Variants in ARHGEF10 observed in about 807,000 individuals in gnomAD.
ARHGEF10 encodes the protein Rho guanine nucleotide exchange factor 10, also known as Rho guanine nucleotide exchange factor (GEF) 10.
ARHGEF10 carries 140 observed loss-of-function variants against 147.4 expected under a neutral mutation model. The observed-to-expected ratio is 0.95, with a 90% CI of 0.83 to 1.09. The LOEUF (loss-of-function observed/expected upper bound fraction) is 1.09, where lower values mean the gene tolerates loss of function less well. ARHGEF10 is among the 50% of genes least tolerant of loss of function. ARHGEF10 has a pLI of 0.00. For synonymous variants in ARHGEF10, 902 were observed against 695.8 expected (o/e 1.30, Z -4.67); for missense variants, 2,222 against 1,752.7 (o/e 1.27, Z -4.78).
intron 1 of ARHGEF10, among the ~76,000 whole-genome samples, chr8:1,835,826 G>A (rs1803546162): frequency 6.6e-6 from 1 of 152,196 alleles, no homozygotes; most frequent in African/African-American, 2.4e-5. Context: ...GCATGAAACG[G>A]TCCTTCAGCC....
At chr8:1,831,805 G>C (rs1188834210) in intron 1 of ARHGEF10, among the ~76,000 whole-genome samples, 1 of 152,248 alleles carries the variant, frequency 6.6e-6, no homozygotes, top group Non-Finnish European at 1.5e-5. Flanking sequence ...TCAGTGTGTT[G>C]ACTTTCACGT....
chr8:1,917,721 A>G (rs7004405), intron 18 of ARHGEF10, among the ~76,000 whole-genome samples: 71,059 of 152,112 alleles, frequency 0.47, 17,220 homozygotes, highest in East Asian at 0.76. Context: ...AGAGGGCTGG[A>G]AGTCAACTCT....
intron 15 of ARHGEF10, among the ~76,000 whole-genome samples, chr8:1,901,233 G>C (rs190236624): frequency 6.6e-6 from 1 of 152,158 alleles, no homozygotes; most frequent in African/African-American, 2.4e-5. Context: ...GCCTTCTGCC[G>C]TAGTCCGTGT....
chr8:1,910,925 CTTA>C (rs1811310177), intron 18 of ARHGEF10, among the ~76,000 whole-genome samples: 2 of 152,090 alleles, frequency 1.3e-5, no homozygotes, highest in African/African-American at 2.4e-5. Flanking sequence ...TCTTATTCAT[CTTA>C]TTATTTATGA....
At chr8:1,880,437 G>T (rs1278191322) in intron 9 of ARHGEF10, among the ~76,000 whole-genome samples, 1 of 152,176 alleles carries the variant, frequency 6.6e-6, no homozygotes, top group Non-Finnish European at 1.5e-5. Flanking sequence ...TACTAGAGAG[G>T]GGTTTCCAGA....
rs115772566 is a variant in ARHGEF10, at chr8:1,935,638, C to T, written c.3222+1696C>T. Among the ~76,000 whole-genome samples, 1,392 of 152,320 alleles carry T rather than the reference C, an allele frequency of 9.1e-3. 27 individuals are homozygous for T. The highest frequency in any genetic ancestry group is 0.031 in the African/African-American group (1,305 of 41,574). On this transcript the variant is annotated intron_variant, in intron 26 of 28. Transcript: ENST00000349830. ...TACCAGTTAGCACTGGGGCTCATAA[C>T]GTCTTCCTGGCAACTCCGCACCCTA...
intron 1 of ARHGEF10, among the ~76,000 whole-genome samples, chr8:1,841,417 G>C (rs1200601118): frequency 1.3e-5 from 2 of 152,192 alleles, no homozygotes; most frequent in African/African-American, 4.8e-5. Context: ...ATGGAAAGCT[G>C]TTTGTCAGGA....
intron 27 of ARHGEF10, 74 bp downstream of exon 27, chr8:1,945,729 G>C (rs564847396): frequency 1.0e-5 from 16 of 1,580,816 alleles, no homozygotes; most frequent in Non-Finnish European, 1.4e-5. Context: ...AGCGCTGTCA[G>C]CCCACCTTAG....
chr8:1,923,178 A>T (rs913113761), intron 19 of ARHGEF10, 99 bp downstream of exon 19: 133 of 1,005,496 alleles, frequency 1.3e-4, no homozygotes, highest in Middle Eastern at 3.1e-4. Context: ...GTGAGAATTC[A>T]TTTTGACTTT....
intron 14 of ARHGEF10, 135 bp from the exon 15 acceptor site, chr8:1,898,298 T>A: frequency 1.3e-6 from 1 of 790,024 alleles, no homozygotes; most frequent in Non-Finnish European, 2.1e-6. Flanking sequence ...TGGCCAAGTT[T>A]CTTCTTGTAG....
At chr8:1,917,153 AT>A (rs1413604139) in intron 18 of ARHGEF10, among the ~76,000 whole-genome samples, 27 of 152,350 alleles carry the variant, frequency 1.8e-4, no homozygotes, top group African/African-American at 5.8e-4. Flanking sequence ...TAGAAGTGGA[AT>A]TTTCAGGTCA....
At chr8:1,826,222 A>T in intron 1 of ARHGEF10, 1 of 1,233,918 alleles carries the variant, frequency 8.1e-7, no homozygotes, top group South Asian at 1.3e-5. Flanking sequence ...AGTTATTCAG[A>T]ATAGCTTTTT....
chr8:1,909,793 G>A (rs1811223177), intron 18 of ARHGEF10, among the ~76,000 whole-genome samples: 1 of 152,214 alleles, frequency 6.6e-6, no homozygotes, highest in African/African-American at 2.4e-5. Flanking sequence ...GGACTTGGCA[G>A]TGCTGGTCTC....
chr8:1,926,576 T>C, intron 23 of ARHGEF10, 113 bp downstream of exon 23: 2 of 936,500 alleles, frequency 2.1e-6, no homozygotes, highest in Non-Finnish European at 3.4e-6. Flanking sequence ...CGGTGGCGTA[T>C]CCCAGAGTGT....
chr8:1,897,919 C>G (rs1328477655), intron 14 of ARHGEF10, among the ~76,000 whole-genome samples: 1 of 152,144 alleles, frequency 6.6e-6, no homozygotes, highest in Non-Finnish European at 1.5e-5. Flanking sequence ...GAGGCACAGC[C>G]AGGTCTGTGC....
Position 1,858,081 on chromosome 8 carries a change from A to T in ARHGEF10, c.159A>T (p.Gly53=). 6.2e-7 allele frequency: 1 copy of T among 1,609,680 alleles called. No individual in the cohort carries two copies. The highest frequency in any genetic ancestry group is 8.5e-7 in the Non-Finnish European group (1 of 1,178,618). The change falls in exon 3 of 29, where the codon GGA becomes GGT. Residue 53 remains glycine, a synonymous_variant. Transcript: ENST00000349830. ...AGGCCCCATCCGCCCCTGAGACAGG[A>T]GGTGCTGGAGCCAGTGAAGCCCCTG... ...DRQAPSAPET[G]GAGASEAPAP...
chr8:1,828,088 G>A (rs879104399), intron 1 of ARHGEF10, among the ~76,000 whole-genome samples: 2 of 152,192 alleles, frequency 1.3e-5, no homozygotes, highest in African/African-American at 4.8e-5. Flanking sequence ...GAATGGTTGT[G>A]GTACCTCAAC....
At position 1,860,531 on chromosome 8, in the gene ARHGEF10, C is replaced by A. The variant is rs558134381; in HGVS notation, c.481+347C>A. On this transcript the variant is annotated intron_variant, in intron 4 of 28. Transcript: ENST00000349830. Reference sequence around the variant, plus strand: ...CCGGGCCTGACCTTCCCCCTGCCCCCACCCAGGTCATTAGATGTTTGTTTA... The same window carrying A: ...CCGGGCCTGACCTTCCCCCTGCCCCAACCCAGGTCATTAGATGTTTGTTTA... Among the ~76,000 whole-genome samples the A allele has an allele frequency of 2.6e-5, 4 of 152,344 alleles. No homozygotes were observed. The East Asian group carries it at 7.7e-4, about 29-fold the overall frequency.
At chr8:1,951,457 C>A (rs891355473) in intron 27 of ARHGEF10, among the ~76,000 whole-genome samples, 2 of 152,150 alleles carry the variant, frequency 1.3e-5, no homozygotes, top group Non-Finnish European at 2.9e-5. Context: ...TAATATGAAT[C>A]GGCGTTTAGA....
Sources: allele counts gnomAD v4.1 joint callset (sites outside exome capture counted in the v4.1 genomes callset), GRCh38; gene constraint gnomAD v4.1.1; transcripts MANE v1.5; gene names NCBI Gene and HGNC (gene_info 2026-07-23, HGNC 2026-07-21).